The following ERCC6 variants were observed in gnomAD, a reference collection of about 807,000 sequenced individuals.
The protein encoded by ERCC6 is ERCC excision repair 6, chromatin remodeling factor.
Under a neutral mutation model 158.7 loss-of-function variants are expected in ERCC6, and 116 were observed. The ratio of observed to expected loss-of-function variants is 0.73; its 90% CI spans 0.63 to 0.85. The LOEUF (loss-of-function observed/expected upper bound fraction) is 0.85, where lower values mean the gene tolerates loss of function less well. ERCC6 is among the 40% of genes least tolerant of loss of function. The pLI is 0.00. For synonymous variants in ERCC6, 678 were observed against 659.3 expected (o/e 1.03, Z -0.43); for missense variants, 1,698 against 1,799.4 (o/e 0.94, Z 1.02).
intron 3 of ERCC6, 88 bp from the exon 4 acceptor site, chr10:49,528,613 A>C: frequency 1.4e-6 from 2 of 1,473,344 alleles, no homozygotes; most frequent in Non-Finnish European, 9.3e-7. Flanking sequence ...TTTTAAACTT[A>C]AATCCAAAGT....
intron 1 of ERCC6, 42 bp from the exon 2 acceptor site, chr10:49,533,020 T>A: frequency 6.3e-7 from 1 of 1,589,548 alleles, no homozygotes; most frequent in Non-Finnish European, 8.6e-7. Context: ...TTATATAGGA[T>A]TCATTGTAGT....
the ERCC6 span, among the ~76,000 whole-genome samples, chr10:49,442,272 C>A: frequency 6.6e-6 from 1 of 152,270 alleles, no homozygotes; most frequent in Admixed American, 6.5e-5. Flanking sequence ...CTCTCTGCCT[C>A]AGCGCCCGGT....
intron 6 of ERCC6, chr10:49,505,143 C>G (rs1428295108): frequency 4.6e-5 from 7 of 152,084 alleles, no homozygotes; most frequent in Admixed American, 2.0e-4. Flanking sequence ...ATCTAAGAAG[C>G]CTTCCTAAAG....
At chr10:49,473,691 T>A (rs968204017) in intron 13 of ERCC6, 104 bp from the exon 14 acceptor site, 3 of 790,832 alleles carry the variant, frequency 3.8e-6, no homozygotes, top group Middle Eastern at 2.3e-4. Context: ...AGGCCTATGT[T>A]AAAAGGAGTT....
chr10:49,451,345 C>G (rs551847353), downstream of ERCC6, among the ~76,000 whole-genome samples: 5 of 152,086 alleles, frequency 3.3e-5, no homozygotes, highest in East Asian at 9.7e-4. Context: ...AATGGGCATC[C>G]TTGTCTTATT....
rs182326641 is a variant in ERCC6 at position 49,535,850 on chromosome 10, T to G, written c.-14-2872A>C. ...TGGTAAAAGAAGTTTCAGGCCAGGC[T>G]TGGTGGCTCACACCTGTAATCCCAG... On this transcript the variant is annotated intron_variant, in intron 1 of 20. Transcript: ENST00000355832. 4.4e-4 allele frequency among the ~76,000 whole-genome samples: 67 copies of G among 152,216 alleles called. No individual in the cohort carries two copies. The East Asian group carries it at 0.013, about 29-fold the overall frequency.
At chr10:49,491,123 T>C (rs1056417055) in intron 8 of ERCC6, among the ~76,000 whole-genome samples, 7 of 152,214 alleles carry the variant, frequency 4.6e-5, no homozygotes, top group African/African-American at 1.4e-4. Context: ...ACCAAAGTTA[T>C]GATCTTAGAA....
intron 10 of ERCC6, among the ~76,000 whole-genome samples, chr10:49,481,943 T>TA: frequency 6.6e-6 from 1 of 152,300 alleles, no homozygotes; most frequent in East Asian, 1.9e-4. Flanking sequence ...GACTACCCTG[T>TA]AGCCTGAGGA....
chr10:49,483,521 G>T lies in ERCC6; in HGVS notation c.1822-5C>A, dbSNP rs1282211065. 6 of 1,613,686 alleles carry T rather than the reference G, an allele frequency of 3.7e-6. No individual in the cohort carries two copies. The highest frequency in any genetic ancestry group is 5.1e-6 in the Non-Finnish European group (6 of 1,179,922). ...AACATCTCGAATTAGTTTCTCCTGA[G>T]ACCACAATAAAATGGTAAAGTCAGT... On this transcript the variant is annotated splice_region_variant and splice_polypyrimidine_tract_variant and intron_variant, in intron 8 of 20. Transcript: ENST00000355832.
chr10:49,525,014 T>A (rs1276574103), intron 4 of ERCC6: 10 of 953,642 alleles, frequency 1.0e-5, no homozygotes, highest in Non-Finnish European at 1.2e-5. Context: ...CCCAAAATAT[T>A]TCACTATAAA....
intron 1 of ERCC6, 95 bp downstream of exon 1, chr10:49,538,867 G>C (rs1202273779): frequency 9.8e-6 from 1 of 102,556 alleles, no homozygotes; most frequent in African/African-American, 4.0e-5. Context: ...TCACCACGGC[G>C]AGGCCAAGGC....
chr10:49,493,014 C>T (rs1410500600), intron 8 of ERCC6, 103 bp downstream of exon 8: 15 of 1,206,684 alleles, frequency 1.2e-5, no homozygotes, highest in Non-Finnish European at 1.8e-5. Flanking sequence ...GGAAAAAAAA[C>T]ACAGGAATAT....
chr10:49,537,544 TGTG>T (rs1837631343), intron 1 of ERCC6, among the ~76,000 whole-genome samples: 1 of 150,338 alleles, frequency 6.7e-6, no homozygotes, highest in South Asian at 2.1e-4. Flanking sequence ...CAAATATAAT[TGTG>T]GTGACTGCTG....
upstream of ERCC6, chr10:49,539,535 A>T (rs1837687266): frequency 6.6e-6 from 1 of 152,284 alleles, no homozygotes; most frequent in African/African-American, 2.4e-5. Flanking sequence ...CCACGCGCGC[A>T]CCTGGGCGGA....
At chr10:49,519,873 A>G (rs1245871781) in intron 5 of ERCC6, among the ~76,000 whole-genome samples, 1 of 152,210 alleles carries the variant, frequency 6.6e-6, no homozygotes, top group Non-Finnish European at 1.5e-5. Context: ...GCACAAGTGC[A>G]GTGCCCAGCT....
At chr10:49,498,337 A>G (rs563290307) in intron 7 of ERCC6, among the ~76,000 whole-genome samples, 2 of 152,204 alleles carry the variant, frequency 1.3e-5, no homozygotes, top group Admixed American at 1.3e-4. Context: ...TACATAGCCA[A>G]TGAGGCAATA....
rs184709238 is a variant in ERCC6, at chr10:49,526,945, T to C, written c.652+1472A>G. ...GGAATAGATAACCAGGGAGAGGCAG[T>C]AGAACAAGAAGAGGGCTCAAAGAAA... On this transcript the variant is annotated intron_variant, in intron 4 of 20. Transcript: ENST00000355832. Among the ~76,000 whole-genome samples, 32 of 152,220 alleles carry C rather than the reference T, an allele frequency of 2.1e-4. 1 individual carries two copies. The highest frequency in any genetic ancestry group is 5.3e-4 in the African/African-American group (22 of 41,526).
In ERCC6 at chr10:49,476,110, T is replaced by C. The variant is rs558150009; in HGVS notation, c.2382+105A>G. ...GGGACTTCATGCAAGTGAAGTGAGATGACAGTACGTGAAAAGCCTGGCACA... is the reference window on the plus strand; with the variant it reads ...GGGACTTCATGCAAGTGAAGTGAGACGACAGTACGTGAAAAGCCTGGCACA... On this transcript the variant is annotated intron_variant, in intron 12 of 20. Transcript: ENST00000355832. 1.5e-5 allele frequency: 12 copies of C among 812,252 alleles called. No homozygotes were observed. In the African/African-American group the frequency reaches 2.0e-4, roughly 14 times the overall value. The allele number at this position is 812,252 out of a possible 1,614,324, so 50.3% of individuals were successfully genotyped here.
intron 5 of ERCC6, among the ~76,000 whole-genome samples, chr10:49,514,919 G>A (rs1836902001): frequency 1.3e-5 from 2 of 152,012 alleles, no homozygotes; most frequent in Admixed American, 6.6e-5. Context: ...AAACTTAATT[G>A]GCAAATCTGA....
Sources: gnomAD v4.1 joint callset for allele counts (sites outside exome capture counted in the v4.1 genomes callset) on GRCh38, gnomAD v4.1.1 for gene constraint, MANE v1.5 for transcripts, NCBI Gene and HGNC (gene_info 2026-07-23, HGNC 2026-07-21) for gene names.